DKK4: variants seen among roughly 807,000 people sequenced by gnomAD.
DKK4 encodes the protein dickkopf Wnt signaling pathway inhibitor 4.
A neutral mutation model predicts 14.5 loss-of-function variants in DKK4; 15 were observed. The ratio of observed to expected loss-of-function variants is 1.03; its 90% CI spans 0.69 to 1.59. The LOEUF (loss-of-function observed/expected upper bound fraction) is 1.59. Among genes scored for constraint, DKK4 ranks in the 40% most tolerant of loss-of-function variants. The probability of loss-of-function intolerance (pLI) is 0.00; values close to 1 mark genes in which losing one functional copy is unlikely to be tolerated. For missense variants in DKK4, 272 were observed against 280.3 expected (o/e 0.97, Z 0.21); for synonymous variants, 89 against 105.2 (o/e 0.85, Z 0.94).
chr8:42,382,579 A>C, the DKK4 span, among the ~76,000 whole-genome samples: 1 of 152,248 alleles, frequency 6.6e-6, no homozygotes, highest in African/African-American at 2.4e-5. Context: ...CGGCACCTGG[A>C]GCCGTGGCTG....
chr8:42,385,254 TG>T, the DKK4 span, among the ~76,000 whole-genome samples: 2 of 151,964 alleles, frequency 1.3e-5, no homozygotes, highest in African/African-American at 4.8e-5. Context: ...TAGCCTGGTG[TG>T]GTGGTTCACA....
At chr8:42,387,449 C>T in the DKK4 span, among the ~76,000 whole-genome samples, 50 of 150,174 alleles carry the variant, frequency 3.3e-4, no homozygotes, top group African/African-American at 1.2e-3. Context: ...TCACCACCTC[C>T]CGGGTTCAAG....
the DKK4 span, among the ~76,000 whole-genome samples, chr8:42,388,774 T>C: frequency 1.3e-5 from 2 of 152,094 alleles, no homozygotes; most frequent in Non-Finnish European, 2.9e-5. Flanking sequence ...TTTCACCATG[T>C]TGGCCAGGAT....
upstream of DKK4, among the ~76,000 whole-genome samples, chr8:42,377,488 A>T (rs1044675312): frequency 1.3e-5 from 2 of 152,130 alleles, no homozygotes; most frequent in Non-Finnish European, 1.5e-5. Flanking sequence ...TCAAAGGCAA[A>T]CTCTGATAAT....
the DKK4 span, among the ~76,000 whole-genome samples, chr8:42,387,879 G>A: frequency 4.0e-5 from 6 of 151,476 alleles, no homozygotes; most frequent in Non-Finnish European, 7.3e-5. Context: ...AGAATGTTGT[G>A]AAATTTCCAT....
upstream of DKK4, among the ~76,000 whole-genome samples, chr8:42,379,161 GA>G (rs1824617555): frequency 2.7e-5 from 4 of 149,102 alleles, no homozygotes; most frequent in South Asian, 4.3e-4. Context: ...TGAGGCAGGA[GA>G]ATTGTTTGAA....
At chr8:42,386,606 C>G in the DKK4 span, among the ~76,000 whole-genome samples, 3 of 152,090 alleles carry the variant, frequency 2.0e-5, no homozygotes, top group Admixed American at 6.6e-5. Context: ...ATCCTCCCAG[C>G]CCCTCCTGAG....
At position 42,374,243 on chromosome 8, in the gene DKK4, T is replaced by G. The variant is rs1483023835; in HGVS notation, c.532A>C (p.Arg178=). Residue 178 remains arginine, a synonymous_variant, in exon 4 of 4, where the codon AGA becomes CGA. Coordinates refer to ENST00000220812, the MANE Select transcript of DKK4 (RefSeq NM_014420.3). The part of the protein sequence containing the change: ...PVLLEGQVCS[R]RGHKDTAQAP... ...TGAGCAGTGTCTTTATGCCCTCTTC[T>G]GGAGCAGACCTGTCCCTCCAAAAGG... The G allele has an allele frequency of 5.6e-6, 9 of 1,612,070 alleles. No individual in the cohort carries two copies. The Admixed American group carries it at 1.5e-4, about 27-fold the overall frequency.
chr8:42,375,844 C>T lies in DKK4; in HGVS notation c.112-14G>A. On this transcript the variant is annotated splice_polypyrimidine_tract_variant and intron_variant, in intron 1 of 3. Coordinates refer to ENST00000220812, the MANE Select transcript of DKK4 (RefSeq NM_014420.3). ...GCACTGTGAGCCCTGTGGAGGGAATCTGTTATCACAAGGCTAGGAAACCCC... is the reference window on the plus strand; with the variant it reads ...GCACTGTGAGCCCTGTGGAGGGAATTTGTTATCACAAGGCTAGGAAACCCC... 6.2e-7 allele frequency: 1 copy of T among 1,613,254 alleles called. No individual in the cohort carries two copies. Among genetic ancestry groups the T allele is most frequent in the South Asian group, 1.1e-5 (1 of 90,944 alleles).
chr8:42,376,940 G>C lies in DKK4; in HGVS notation c.106C>G (p.Arg36Gly), dbSNP rs766867033. The C allele has an allele frequency of 1.9e-6, 3 of 1,613,314 alleles. No individual in the cohort carries two copies. Among genetic ancestry groups the C allele is most frequent in the African/African-American group, 1.3e-5 (1 of 74,860 alleles). The change falls in exon 1 of 4, where the codon CGG becomes GGG. Residue 36 changes from arginine to glycine, a missense_variant. Physicochemically the swap from Arg to Gly is moderately radical, Grantham distance 125. Transcript: ENST00000220812. Reference sequence around the variant, plus strand: ...CCCCTCCCTAGCAGCCTTACCTTCCGGGCCCCATGCAGGTCAGCAGAGCTC... The same window carrying C: ...CCCCTCCCTAGCAGCCTTACCTTCCCGGCCCCATGCAGGTCAGCAGAGCTC... ...IRSSADLHGA[R>G]KGSQCLSDTD...
intron 3 of DKK4, 103 bp from the exon 4 acceptor site, chr8:42,374,462 A>G (rs1265152069): frequency 4.1e-6 from 6 of 1,467,468 alleles, no homozygotes; most frequent in Non-Finnish European, 5.6e-6. Flanking sequence ...GACAGCCACA[A>G]AGTAAAAACA....
chr8:42,388,611 G>A, the DKK4 span, among the ~76,000 whole-genome samples: 274 of 151,124 alleles, frequency 1.8e-3, no homozygotes, highest in African/African-American at 6.3e-3. Flanking sequence ...TCACTCTGTC[G>A]CCAGGCTGGA....
At chr8:42,390,599 A>G in the DKK4 span, among the ~76,000 whole-genome samples, 5 of 150,606 alleles carry the variant, frequency 3.3e-5, no homozygotes, top group South Asian at 2.1e-4. Context: ...TCCTGACCTC[A>G]TGATCCGCCC....
upstream of DKK4, among the ~76,000 whole-genome samples, chr8:42,380,619 G>GAGAA (rs202069702): frequency 1.4e-5 from 2 of 143,640 alleles, no homozygotes; most frequent in South Asian, 2.2e-4. Context: ...GAAAGAAAAA[G>GAGAA]AGAAAGAAAG....
At chr8:42,385,190 A>G in the DKK4 span, among the ~76,000 whole-genome samples, 1 of 152,110 alleles carries the variant, frequency 6.6e-6, no homozygotes, top group South Asian at 2.1e-4. Context: ...CCAGTAGTTT[A>G]AGACCAGTCT....
chr8:42,390,197 C>T, the DKK4 span, among the ~76,000 whole-genome samples: 1 of 151,408 alleles, frequency 6.6e-6, no homozygotes, highest in Admixed American at 6.6e-5. Context: ...CCCGGGGCCC[C>T]CTCAGAAAAT....
chr8:42,384,309 A>AT, the DKK4 span, among the ~76,000 whole-genome samples: 1 of 152,034 alleles, frequency 6.6e-6, no homozygotes, highest in African/African-American at 2.4e-5. Flanking sequence ...GCAACAGCTA[A>AT]TTTTTGTATT....
chr8:42,375,339 G>A lies in DKK4; in HGVS notation c.262+341C>T, dbSNP rs184434083. Among the ~76,000 whole-genome samples, 566 of 152,076 alleles carry A rather than the reference G, an allele frequency of 3.7e-3. 12 individuals are homozygous for A. The highest frequency in any genetic ancestry group is 2.5e-3 in the East Asian group (13 of 5,158). ...GTGGATCACCTGAGGTCAGAAGTTC[G>A]AGACTAGCCTGACCAACATGGTGAA... On this transcript the variant is annotated intron_variant, in intron 2 of 3. Transcript: ENST00000220812.
the DKK4 span, among the ~76,000 whole-genome samples, chr8:42,383,601 G>A: frequency 6.6e-6 from 1 of 152,220 alleles, no homozygotes; most frequent in East Asian, 1.9e-4. Context: ...CAGGGTCCCT[G>A]GACCCTCCTT....
Sources: allele counts gnomAD v4.1 joint callset (sites outside exome capture counted in the v4.1 genomes callset), GRCh38; gene constraint gnomAD v4.1.1; transcripts MANE v1.5; gene names NCBI Gene and HGNC (gene_info 2026-07-23, HGNC 2026-07-21).